The following STXBP6 variants were observed in gnomAD, a reference collection of about 807,000 sequenced individuals.
STXBP6 encodes the protein syntaxin binding protein 6.
A neutral mutation model predicts 26.9 loss-of-function variants in STXBP6; 21 were observed. The observed-to-expected ratio is 0.78, with a 90% CI of 0.55 to 1.12. The LOEUF (loss-of-function observed/expected upper bound fraction) is 1.12. Among genes scored for constraint, STXBP6 ranks in the 50% most tolerant of loss-of-function variants. STXBP6 has a pLI of 0.00. For missense variants in STXBP6, 232 were observed against 257.9 expected (o/e 0.90, Z 0.69); for synonymous variants, 97 against 92.6 (o/e 1.05, Z -0.27).
chr14:24,925,878 G>A (rs895702111), intron 2 of STXBP6, among the ~76,000 whole-genome samples: 2 of 152,096 alleles, frequency 1.3e-5, no homozygotes, highest in Non-Finnish European at 2.9e-5. Flanking sequence ...TGATGTGCTC[G>A]GAAGTTACAA....
rs545615124 is a variant in STXBP6 at position 24,948,744 on chromosome 14, G to A, written c.154+25921C>T. Among the ~76,000 whole-genome samples the A allele has an allele frequency of 3.3e-5, 5 of 152,134 alleles. 1 individual carries two copies. Among genetic ancestry groups the A allele is most frequent in the Non-Finnish European group, 4.4e-5 (3 of 68,016 alleles). ...TTAACAACACTTTCAAAAATTAATAGCAGGTAATAGAGGAAAATAGAATAT... is the reference window on the plus strand; with the variant it reads ...TTAACAACACTTTCAAAAATTAATAACAGGTAATAGAGGAAAATAGAATAT... On this transcript the variant is annotated intron_variant, in intron 2 of 5. Coordinates refer to ENST00000323944, the MANE Select transcript of STXBP6 (RefSeq NM_001394410.1).
chr14:24,922,893 T>C (rs182744189), intron 2 of STXBP6, among the ~76,000 whole-genome samples: 164 of 152,274 alleles, frequency 1.1e-3, no homozygotes, highest in African/African-American at 3.8e-3. Context: ...ATTTGAGCCA[T>C]TTTGGATTCA....
At chr14:24,879,755 G>A (rs924889192) in intron 2 of STXBP6, among the ~76,000 whole-genome samples, 1 of 152,048 alleles carries the variant, frequency 6.6e-6, no homozygotes, top group Non-Finnish European at 1.5e-5. Flanking sequence ...TTTTACAATA[G>A]AGAAACAGGA....
At chr14:25,008,584 T>C (rs1327554937) in intron 1 of STXBP6, among the ~76,000 whole-genome samples, 1 of 152,210 alleles carries the variant, frequency 6.6e-6, no homozygotes, top group Non-Finnish European at 1.5e-5. Context: ...TGTTGCTTGA[T>C]AGAACTTTAA....
intron 2 of STXBP6, among the ~76,000 whole-genome samples, chr14:24,947,345 T>C (rs916697809): frequency 2.6e-5 from 4 of 152,112 alleles, no homozygotes; most frequent in African/African-American, 9.7e-5. Context: ...AGATGGCATT[T>C]TGAAGAAAAT....
intron 1 of STXBP6, among the ~76,000 whole-genome samples, chr14:25,038,724 C>A (rs113852109): frequency 6.6e-6 from 1 of 151,942 alleles, no homozygotes; most frequent in African/African-American, 2.4e-5. Context: ...AGGCTTAGTA[C>A]GTGGACGACA....
At chr14:24,957,986 GGAAA>G (rs2073396852) in intron 2 of STXBP6, among the ~76,000 whole-genome samples, 2 of 152,108 alleles carry the variant, frequency 1.3e-5, no homozygotes, top group African/African-American at 4.8e-5. Flanking sequence ...CCTCATATCA[GGAAA>G]GAGTGATGCA....
chr14:24,885,349 TAAG>T (rs1246228031), intron 2 of STXBP6, among the ~76,000 whole-genome samples: 2 of 152,332 alleles, frequency 1.3e-5, no homozygotes, highest in Non-Finnish European at 1.5e-5. Context: ...ATAAGTGTTC[TAAG>T]AAGAAGGTCT....
chr14:25,013,466 TCACA>T (rs3219652), intron 1 of STXBP6, among the ~76,000 whole-genome samples: 1,492 of 143,258 alleles, frequency 0.01, 14 homozygotes, highest in African/African-American at 0.025. Context: ...CATCTCTCTT[TCACA>T]CACACACACA....
intron 4 of STXBP6, among the ~76,000 whole-genome samples, chr14:24,849,549 G>C (rs2069076090): frequency 6.6e-6 from 1 of 152,100 alleles, no homozygotes; most frequent in Non-Finnish European, 1.5e-5. Context: ...TCTCTTAATG[G>C]CTGTGGGATC....
chr14:24,931,848 A>G (rs1032518898), intron 2 of STXBP6, among the ~76,000 whole-genome samples: 7 of 152,206 alleles, frequency 4.6e-5, no homozygotes, highest in African/African-American at 1.7e-4. Context: ...CCTGCCAGTT[A>G]GTGGTCAGCT....
chr14:25,030,957 C>T (rs939340982), intron 1 of STXBP6, among the ~76,000 whole-genome samples: 18 of 151,996 alleles, frequency 1.2e-4, no homozygotes, highest in South Asian at 4.2e-4. Context: ...CCAGAATACA[C>T]CTCTCATAAA....
chr14:24,906,852 A>G (rs1301618363), intron 2 of STXBP6, among the ~76,000 whole-genome samples: 1 of 152,358 alleles, frequency 6.6e-6, no homozygotes, highest in Non-Finnish European at 1.5e-5. Context: ...AAAAACAAAG[A>G]AAGCAGAAAC....
intron 5 of STXBP6, among the ~76,000 whole-genome samples, chr14:24,814,126 T>C (rs1263601360): frequency 6.6e-6 from 1 of 152,214 alleles, no homozygotes; most frequent in East Asian, 1.9e-4. Flanking sequence ...GTTCCGAATG[T>C]GCCCAGGCTG....
intron 1 of STXBP6, among the ~76,000 whole-genome samples, chr14:24,976,152 A>G (rs2074039187): frequency 6.6e-6 from 1 of 152,212 alleles, no homozygotes; most frequent in Non-Finnish European, 1.5e-5. Context: ...CCAGTTCTCC[A>G]GGAGTTGACT....
At chr14:24,886,117 A>C (rs968349940) in intron 2 of STXBP6, among the ~76,000 whole-genome samples, 1 of 152,246 alleles carries the variant, frequency 6.6e-6, no homozygotes. Flanking sequence ...CTCCGACAAC[A>C]CTTTCTGTAT....
chr14:24,887,435 C>T (rs1274592414), intron 2 of STXBP6, among the ~76,000 whole-genome samples: 2 of 152,196 alleles, frequency 1.3e-5, no homozygotes, highest in Non-Finnish European at 2.9e-5. Flanking sequence ...AGGAAATTCA[C>T]TCTCCTCAGC....
rs1047746809 is a variant in STXBP6, at chr14:24,904,309, C to T, written c.155-47152G>A. 3.3e-5 allele frequency among the ~76,000 whole-genome samples: 5 copies of T among 152,160 alleles called. No homozygotes were observed. In the South Asian group the frequency reaches 1.0e-3, roughly 32 times the overall value. On this transcript the variant is annotated intron_variant, in intron 2 of 5. Transcript: ENST00000323944. Reference sequence around the variant, plus strand: ...CATATCTACGCGGTTAAGTCAATTACCCCATCTACGTTGACAGGGAACCAA... The same window carrying T: ...CATATCTACGCGGTTAAGTCAATTATCCCATCTACGTTGACAGGGAACCAA...
At chr14:24,945,893 A>C (rs1164935899) in intron 2 of STXBP6, among the ~76,000 whole-genome samples, 1 of 152,192 alleles carries the variant, frequency 6.6e-6, no homozygotes, top group East Asian at 1.9e-4. Context: ...CCAGGGAGAC[A>C]CGCTGGATTT....
Sources: gnomAD v4.1 joint callset for allele counts (sites outside exome capture counted in the v4.1 genomes callset) on GRCh38, gnomAD v4.1.1 for gene constraint, MANE v1.5 for transcripts, NCBI Gene and HGNC (gene_info 2026-07-23, HGNC 2026-07-21) for gene names.